The following FABP7 variants were observed in gnomAD, a reference collection of about 807,000 sequenced individuals.
The protein encoded by FABP7 is fatty acid binding protein 7.
Under a neutral mutation model 14.2 loss-of-function variants are expected in FABP7, and 13 were observed. That is an observed-to-expected ratio of 0.91 (90% CI 0.59 to 1.45). The LOEUF is 1.45. FABP7 is among the 40% of genes most tolerant of loss of function. The pLI is 0.00. For synonymous variants in FABP7, 49 were observed against 51.4 expected, an observed-to-expected ratio of 0.95 and a Z score of 0.20; for missense variants, 149 against 157.6, an observed-to-expected ratio of 0.95 and a Z score of 0.29.
chr6:122,778,564 A>T (rs1218988544), upstream of FABP7, among the ~76,000 whole-genome samples: 1 of 152,216 alleles, frequency 6.6e-6, no homozygotes, highest in Non-Finnish European at 1.5e-5. Context: ...CTCTGTCCCC[A>T]GGAGAGGCAG....
the FABP7 span, among the ~76,000 whole-genome samples, chr6:122,768,887 G>A: frequency 1.3e-5 from 2 of 152,024 alleles, no homozygotes; most frequent in African/African-American, 4.8e-5. Flanking sequence ...AATGAATAGG[G>A]ATTTCTTCCT....
chr6:122,753,987 C>A, the FABP7 span, among the ~76,000 whole-genome samples: 1 of 151,950 alleles, frequency 6.6e-6, no homozygotes, highest in African/African-American at 2.4e-5. Flanking sequence ...CAGAAAAGGT[C>A]AAAGGGAGAA....
the FABP7 span, among the ~76,000 whole-genome samples, chr6:122,753,784 G>GCCCCCCCCCCC: frequency 8.4e-5 from 3 of 35,540 alleles, no homozygotes; most frequent in African/African-American, 2.5e-4. Flanking sequence ...TCCAAATCCC[G>GCCCCCCCCCCC]CCCCCCCCCC....
At chr6:122,781,071 T>A (rs1415800912) in intron 2 of FABP7, 22 bp from the exon 3 acceptor site, 1 of 1,603,938 alleles carries the variant, frequency 6.2e-7, no homozygotes, top group Non-Finnish European at 8.5e-7. Flanking sequence ...TGCTATGTTC[T>A]GCATTTTGTT....
Position 122,779,728 on chromosome 6 carries a change from C to G in FABP7, c.-67C>G. On this transcript the variant is annotated 5_prime_UTR_variant, in exon 1 of 4. Transcript: ENST00000368444. ...TGCTTGCTGAGGTGTAAAGGGTCTTCTGAGCTGCAGTGGCAATTAGACCAG... is the reference window on the plus strand; with the variant it reads ...TGCTTGCTGAGGTGTAAAGGGTCTTGTGAGCTGCAGTGGCAATTAGACCAG... The G allele has an allele frequency of 1.3e-6, 2 of 1,499,240 alleles. No individual in the cohort carries two copies. Among genetic ancestry groups the G allele is most frequent in the Middle Eastern group, 3.9e-4 (2 of 5,092 alleles). The allele number at this position is 1,499,240 out of a possible 1,614,324, so 92.9% of individuals were successfully genotyped here.
At chr6:122,779,973 A>G in intron 1 of FABP7, 106 bp downstream of exon 1, 2 of 1,074,056 alleles carry the variant, frequency 1.9e-6, no homozygotes, top group South Asian at 2.7e-5. Context: ...GACAGATCAC[A>G]TTGCCCTGAT....
At chr6:122,783,400 A>G in intron 3 of FABP7, 1 of 984,918 alleles carries the variant, frequency 1.0e-6, no homozygotes, top group African/African-American at 1.7e-5. Context: ...TTTAAAGCAG[A>G]TAGTTGAGAA....
chr6:122,754,873 A>G, the FABP7 span, among the ~76,000 whole-genome samples: 400 of 152,156 alleles, frequency 2.6e-3, no homozygotes, highest in African/African-American at 9.2e-3. Flanking sequence ...AACTCCCAGG[A>G]CTTGCAGTTC....
At chr6:122,782,685 T>C (rs1780822652) in intron 3 of FABP7, 3 of 985,328 alleles carry the variant, frequency 3.0e-6, no homozygotes, top group Non-Finnish European at 3.6e-6. Context: ...CCTTGTACGA[T>C]GACAGCAGAG....
At chr6:122,763,202 T>G in the FABP7 span, among the ~76,000 whole-genome samples, 1 of 152,102 alleles carries the variant, frequency 6.6e-6, no homozygotes, top group Non-Finnish European at 1.5e-5. Context: ...TATAGATCAA[T>G]GGAACAGAAC....
chr6:122,773,533 G>C, the FABP7 span, among the ~76,000 whole-genome samples: 1 of 152,160 alleles, frequency 6.6e-6, no homozygotes, highest in African/African-American at 2.4e-5. Flanking sequence ...TTATGGGAGA[G>C]ACTGTGGGCC....
chr6:122,759,551 G>T, the FABP7 span, among the ~76,000 whole-genome samples: 1 of 152,156 alleles, frequency 6.6e-6, no homozygotes, highest in East Asian at 1.9e-4. Flanking sequence ...AGTACTTGCT[G>T]TGACATTCTT....
At chr6:122,764,363 G>T in the FABP7 span, among the ~76,000 whole-genome samples, 3,410 of 151,698 alleles carry the variant, frequency 0.022, 119 homozygotes, top group East Asian at 0.12. Flanking sequence ...ACAGGAAGGG[G>T]AACATCACAC....
chr6:122,771,568 G>A, the FABP7 span, among the ~76,000 whole-genome samples: 5 of 152,118 alleles, frequency 3.3e-5, no homozygotes, highest in Non-Finnish European at 7.4e-5. Context: ...CATACTCATT[G>A]GCATCAGGCT....
chr6:122,768,388 G>T, the FABP7 span, among the ~76,000 whole-genome samples: 1 of 152,048 alleles, frequency 6.6e-6, no homozygotes, highest in Non-Finnish European at 1.5e-5. Flanking sequence ...ATGTAAAAAA[G>T]TTAATTCCTA....
chr6:122,782,648 G>A, intron 3 of FABP7: 1 of 985,418 alleles, frequency 1.0e-6, no homozygotes, highest in Non-Finnish European at 1.2e-6. Context: ...CAATTTTGGA[G>A]GAGGGTGTGA....
upstream of FABP7, among the ~76,000 whole-genome samples, chr6:122,775,033 G>T (rs1049511918): frequency 6.6e-6 from 1 of 151,912 alleles, no homozygotes; most frequent in Non-Finnish European, 1.5e-5. Flanking sequence ...GAAAGATATT[G>T]CATGTTCATG....
At chr6:122,760,067 C>G in the FABP7 span, among the ~76,000 whole-genome samples, 1 of 151,498 alleles carries the variant, frequency 6.6e-6, no homozygotes, top group Non-Finnish European at 1.5e-5. Context: ...TGCCACTGCA[C>G]TCCAGTCTGG....
chr6:122,778,087 A>C (rs2115140520), upstream of FABP7, among the ~76,000 whole-genome samples: 1 of 152,166 alleles, frequency 6.6e-6, no homozygotes, highest in East Asian at 1.9e-4. Context: ...ACCAAACTGT[A>C]ATCTGACCAC....
Sources: allele counts gnomAD v4.1 joint callset (sites outside exome capture counted in the v4.1 genomes callset), GRCh38; gene constraint gnomAD v4.1.1; transcripts MANE v1.5; gene names NCBI Gene and HGNC (gene_info 2026-07-23, HGNC 2026-07-21).